Variants in GTF2F2 observed in about 807,000 individuals in gnomAD.
GTF2F2 encodes general transcription factor IIF subunit 2.
Under a neutral mutation model 42.2 loss-of-function variants are expected in GTF2F2, and 23 were observed. That is an observed-to-expected ratio of 0.55 (90% CI 0.39 to 0.77). The LOEUF (loss-of-function observed/expected upper bound fraction) is 0.77. GTF2F2 is among the 30% of genes least tolerant of loss of function. The pLI is 0.00. For synonymous variants in GTF2F2, 105 were observed against 100.8 expected, an observed-to-expected ratio of 1.04 and a Z score of -0.25; for missense variants, 261 against 287.2, an observed-to-expected ratio of 0.91 and a Z score of 0.66.
chr13:45,176,847 G>T (rs955274666), intron 4 of GTF2F2, among the ~76,000 whole-genome samples: 4 of 151,888 alleles, frequency 2.6e-5, no homozygotes, highest in African/African-American at 4.8e-5. Flanking sequence ...GTGCAGTGGT[G>T]CAGTCTTGGC....
intron 7 of GTF2F2, among the ~76,000 whole-genome samples, chr13:45,275,045 T>C (rs543128471): frequency 2.0e-5 from 3 of 152,208 alleles, no homozygotes; most frequent in Non-Finnish European, 2.9e-5. Context: ...CTCCTGTCTT[T>C]TCCCCATTTC....
At chr13:45,236,490 TACACACACACACACACACAC>T (rs3047056) in intron 5 of GTF2F2, among the ~76,000 whole-genome samples, 10 of 141,936 alleles carry the variant, frequency 7.0e-5, no homozygotes, top group African/African-American at 2.0e-4. Context: ...CCGCCACACA[TACACACACACACACACACAC>T]ACACACACAC....
At chr13:45,217,445 A>G (rs1873942787) in intron 5 of GTF2F2, among the ~76,000 whole-genome samples, 1 of 151,920 alleles carries the variant, frequency 6.6e-6, no homozygotes, top group East Asian at 1.9e-4. Flanking sequence ...TTTTACCTTT[A>G]TTACTTTTGT....
intron 4 of GTF2F2, among the ~76,000 whole-genome samples, chr13:45,176,918 C>T (rs1298666454): frequency 2.6e-5 from 4 of 151,748 alleles, no homozygotes; most frequent in South Asian, 4.2e-4. Context: ...CCCGAGTAGC[C>T]GGGATTATAG....
At chr13:45,278,816 C>CTTTTTTTTTTTTTTTTT (rs1157972776) in intron 7 of GTF2F2, among the ~76,000 whole-genome samples, 3 of 62,300 alleles carry the variant, frequency 4.8e-5, no homozygotes, top group African/African-American at 1.4e-4. Flanking sequence ...TTTTCTTTTT[C>CTTTTTTTTTTTTTTTTT]TTTTTTTTTT....
At chr13:45,184,103 G>A (rs539535128) in intron 4 of GTF2F2, among the ~76,000 whole-genome samples, 13 of 152,008 alleles carry the variant, frequency 8.6e-5, no homozygotes, top group Non-Finnish European at 1.5e-4. Flanking sequence ...TGATCTGCCC[G>A]CCTCAACCTC....
intron 4 of GTF2F2, among the ~76,000 whole-genome samples, chr13:45,183,639 A>T (rs1175145011): frequency 6.6e-6 from 1 of 152,098 alleles, no homozygotes; most frequent in East Asian, 1.9e-4. Context: ...TTAGGGTTCC[A>T]TTTCTGACAA....
intron 4 of GTF2F2, among the ~76,000 whole-genome samples, chr13:45,192,394 C>T (rs1872693681): frequency 6.6e-6 from 1 of 152,032 alleles, no homozygotes; most frequent in Non-Finnish European, 1.5e-5. Flanking sequence ...TGGAAATGAA[C>T]ATTAGCTTTA....
chr13:45,223,457 G>T (rs979527175), intron 5 of GTF2F2, among the ~76,000 whole-genome samples: 3 of 152,162 alleles, frequency 2.0e-5, no homozygotes, highest in African/African-American at 4.8e-5. Flanking sequence ...GGGAGTGGGG[G>T]TGGTGATGGC....
intron 1 of GTF2F2, among the ~76,000 whole-genome samples, chr13:45,128,088 G>A (rs1869138743): frequency 6.7e-6 from 1 of 148,210 alleles, no homozygotes; most frequent in Non-Finnish European, 1.5e-5. Flanking sequence ...AGCCTCCCGA[G>A]TAGCTGAGAC....
intron 1 of GTF2F2, among the ~76,000 whole-genome samples, chr13:45,128,501 G>C (rs1431706916): frequency 6.6e-6 from 1 of 151,068 alleles, no homozygotes; most frequent in Non-Finnish European, 1.5e-5. Flanking sequence ...TGCACCTGGG[G>C]GGCGGAGGTT....
In GTF2F2 at chr13:45,127,938, C is replaced by CTTTT. The variant is rs1161627204; in HGVS notation, c.66+7245_66+7248dup. ...GAGCCACTGTGCCTGGCACCCCGGC[C>CTTTT]TTTTTTTTTTTTTTTTTTTTTTTTT... On this transcript the variant is annotated intron_variant, in intron 1 of 7. Coordinates refer to ENST00000340473, the MANE Select transcript of GTF2F2 (RefSeq NM_004128.3). Among the ~76,000 whole-genome samples, 388 of 48,604 alleles carry CTTTT rather than the reference C, an allele frequency of 8.0e-3. 39 individuals are homozygous for CTTTT. The highest frequency in any genetic ancestry group is 0.029 in the Middle Eastern group (1 of 34). The allele number at this position is 48,604 out of a possible 152,430, so 31.9% of individuals were successfully genotyped here. A position where few individuals can be genotyped will look rare whatever the true frequency, so the allele number is the denominator to read the frequency against.
chr13:45,240,411 T>C (rs1215505746), intron 5 of GTF2F2, among the ~76,000 whole-genome samples: 1 of 152,168 alleles, frequency 6.6e-6, no homozygotes, highest in Non-Finnish European at 1.5e-5. Context: ...AGTGGCCTGG[T>C]GTAGCTAGTG....
At chr13:45,141,039 A>T (rs1398910963) in intron 2 of GTF2F2, among the ~76,000 whole-genome samples, 1 of 152,236 alleles carries the variant, frequency 6.6e-6, no homozygotes, top group Non-Finnish European at 1.5e-5. Context: ...AGCATTTGTT[A>T]AAATATTTGT....
chr13:45,123,967 C>T, intron 1 of GTF2F2: 3 of 756,988 alleles, frequency 4.0e-6, no homozygotes. Flanking sequence ...TTGAGGGTCT[C>T]TCTCTTCCTC....
chr13:45,123,368 C>G (rs1397028136), intron 1 of GTF2F2: 1 of 152,382 alleles, frequency 6.6e-6, no homozygotes, highest in Non-Finnish European at 1.5e-5. Flanking sequence ...TGGCTGATGT[C>G]TGTAATCCCA....
At chr13:45,260,308 C>G (rs1472587137) in intron 6 of GTF2F2, among the ~76,000 whole-genome samples, 1 of 152,132 alleles carries the variant, frequency 6.6e-6, no homozygotes, top group African/African-American at 2.4e-5. Context: ...TAATATTTGC[C>G]TGTTATAATA....
At chr13:45,155,299 G>A (rs1870699792) in intron 4 of GTF2F2, among the ~76,000 whole-genome samples, 1 of 152,090 alleles carries the variant, frequency 6.6e-6, no homozygotes, top group Non-Finnish European at 1.5e-5. Flanking sequence ...GGCATTATCT[G>A]GGATATTTCT....
At chr13:45,126,657 A>T (rs1483311109) in intron 1 of GTF2F2, among the ~76,000 whole-genome samples, 1 of 145,454 alleles carries the variant, frequency 6.9e-6, no homozygotes, top group East Asian at 1.9e-4. Context: ...TACAGTGAAC[A>T]AAACGGACAT....
Sources: gnomAD v4.1 joint callset for allele counts (sites outside exome capture counted in the v4.1 genomes callset) on GRCh38, gnomAD v4.1.1 for gene constraint, MANE v1.5 for transcripts, NCBI Gene and HGNC (gene_info 2026-07-23, HGNC 2026-07-21) for gene names.